The following GRIN2B variants were observed in gnomAD, a reference collection of about 807,000 sequenced individuals.
GRIN2B encodes glutamate receptor ionotropic, NMDA 2B.
GRIN2B carries 5 observed loss-of-function variants against 114.5 expected under a neutral mutation model. The ratio of observed to expected loss-of-function variants is 0.04; its 90% CI spans 0.02 to 0.09. GRIN2B has a LOEUF of 0.09. Ranked by LOEUF, GRIN2B falls within the 10% of genes least tolerant of loss-of-function variation. GRIN2B has a pLI of 1.00. For missense variants in GRIN2B, 1,108 were observed against 1,943.5 expected (o/e 0.57, Z 8.08); for synonymous variants, 787 against 745.1 (o/e 1.06, Z -0.92).
At chr12:13,626,818 C>CCCCCCCCT (rs1649734494) in intron 5 of GRIN2B, among the ~76,000 whole-genome samples, 2 of 62,460 alleles carry the variant, frequency 3.2e-5, no homozygotes, top group African/African-American at 1.3e-4. Context: ...CCCCTCCCCC[C>CCCCCCCCT]CACCCTCCCC....
chr12:13,625,383 C>T (rs907787142), intron 5 of GRIN2B, among the ~76,000 whole-genome samples: 6 of 152,166 alleles, frequency 3.9e-5, no homozygotes, highest in Non-Finnish European at 5.9e-5. Flanking sequence ...TGGCAAGTGG[C>T]GACCGAAGTT....
intron 3 of GRIN2B, among the ~76,000 whole-genome samples, chr12:13,852,430 G>C (rs1865583488): frequency 6.6e-6 from 1 of 152,092 alleles, no homozygotes; most frequent in East Asian, 1.9e-4. Flanking sequence ...CCATTGCTTT[G>C]CTCAACTGTT....
At chr12:13,842,746 AG>A (rs927529041) in intron 3 of GRIN2B, among the ~76,000 whole-genome samples, 1 of 152,174 alleles carries the variant, frequency 6.6e-6, no homozygotes, top group African/African-American at 2.4e-5. Flanking sequence ...TTATGGAAAT[AG>A]GGTGAAAATG....
At chr12:13,583,705 A>C (rs761250385) in intron 10 of GRIN2B, among the ~76,000 whole-genome samples, 3 of 152,176 alleles carry the variant, frequency 2.0e-5, no homozygotes, top group African/African-American at 7.2e-5. Context: ...AAGTTTATCC[A>C]GGCAAAGAGG....
rs995893017 is a variant in GRIN2B, at chr12:13,542,314, G to A, written c.*20469C>T. On this transcript the variant is annotated 3_prime_UTR_variant, in exon 14 of 14. Transcript: ENST00000609686. ...CAAATAATTATGACCCCCCCACAAC[G>A]AGACTAGCTTAGTTGGGAACCTTAG... The A allele has an allele frequency of 2.6e-5, 4 of 151,954 alleles. No individual in the cohort carries two copies. The highest frequency in any genetic ancestry group is 9.7e-5 in the African/African-American group (4 of 41,334). The allele number at this position is 151,954 out of a possible 1,614,324, so 9.4% of individuals were successfully genotyped here. A position where few individuals can be genotyped will look rare whatever the true frequency, so the allele number is the denominator to read the frequency against.
At chr12:13,602,351 A>G (rs906593296) in intron 10 of GRIN2B, among the ~76,000 whole-genome samples, 1 of 152,204 alleles carries the variant, frequency 6.6e-6, no homozygotes, top group Non-Finnish European at 1.5e-5. Context: ...CTAGTTGGTC[A>G]TGACTGCTAC....
chr12:13,711,999 C>A (rs571466227), intron 4 of GRIN2B, among the ~76,000 whole-genome samples: 9 of 152,192 alleles, frequency 5.9e-5, no homozygotes, highest in Admixed American at 2.6e-4. Context: ...CAGTGATAGA[C>A]TGGATTAAGA....
At position 13,572,025 on chromosome 12, in the gene GRIN2B, G is replaced by A. The variant is rs991703780; in HGVS notation, c.2011-61C>T. 5 of 1,341,208 alleles carry A rather than the reference G, an allele frequency of 3.7e-6. No homozygotes were observed. In the Admixed American group the frequency reaches 9.6e-5, roughly 26 times the overall value. 83.1% of individuals were successfully genotyped at this position (1,341,208 alleles called of 1,614,324 possible). On this transcript the variant is annotated intron_variant, in intron 10 of 13. Transcript: ENST00000609686. ...GATGGAGGGAGAGAGAGAGAGAAAAGTCATTTTAGAAAATGTGAAGAGACA... is the reference window on the plus strand; with the variant it reads ...GATGGAGGGAGAGAGAGAGAGAAAAATCATTTTAGAAAATGTGAAGAGACA...
intron 3 of GRIN2B, among the ~76,000 whole-genome samples, chr12:13,810,140 C>A (rs999504767): frequency 1.3e-5 from 2 of 152,108 alleles, no homozygotes; most frequent in Admixed American, 6.6e-5. Flanking sequence ...CCCACCACCC[C>A]CCTCCCCACC....
intron 1 of GRIN2B, among the ~76,000 whole-genome samples, chr12:13,980,622 G>A (rs1056372878): frequency 6.6e-6 from 1 of 151,726 alleles, no homozygotes; most frequent in African/African-American, 2.4e-5. Flanking sequence ...GAGGGAGGGA[G>A]CGAGCGAAGG....
At chr12:13,717,582 C>G (rs1016977990) in intron 4 of GRIN2B, among the ~76,000 whole-genome samples, 1 of 151,918 alleles carries the variant, frequency 6.6e-6, no homozygotes, top group Non-Finnish European at 1.5e-5. Flanking sequence ...AGTAGGCATT[C>G]AGTAAATATT....
intron 2 of GRIN2B, among the ~76,000 whole-genome samples, chr12:13,910,768 A>C (rs755333237): frequency 2.6e-5 from 4 of 152,212 alleles, no homozygotes; most frequent in Non-Finnish European, 5.9e-5. Flanking sequence ...ATCCTTTAGC[A>C]TGACTGAAAA....
intron 4 of GRIN2B, among the ~76,000 whole-genome samples, chr12:13,739,385 A>G (rs1249588621): frequency 1.6e-5 from 2 of 126,482 alleles, no homozygotes; most frequent in South Asian, 4.3e-4. Context: ...AAAAAAAAAA[A>G]AAAAAAAAAA....
At chr12:13,939,037 C>G (rs888234519) in intron 2 of GRIN2B, among the ~76,000 whole-genome samples, 4 of 152,116 alleles carry the variant, frequency 2.6e-5, no homozygotes, top group Non-Finnish European at 4.4e-5. Context: ...GAGCTCACCT[C>G]GAAAGACTTT....
At chr12:13,641,038 T>C (rs1306008770) in intron 5 of GRIN2B, among the ~76,000 whole-genome samples, 1 of 151,956 alleles carries the variant, frequency 6.6e-6, no homozygotes, top group African/African-American at 2.4e-5. Context: ...GAACTCTGAA[T>C]ATAAGCTAAA....
chr12:13,949,508 G>A (rs961393905), intron 2 of GRIN2B, among the ~76,000 whole-genome samples: 1 of 152,120 alleles, frequency 6.6e-6, no homozygotes, highest in African/African-American at 2.4e-5. Flanking sequence ...GGAAGCTGCC[G>A]TGGCATTCGG....
At chr12:13,743,881 C>T (rs1863327373) in intron 4 of GRIN2B, among the ~76,000 whole-genome samples, 1 of 152,072 alleles carries the variant, frequency 6.6e-6, no homozygotes, top group Admixed American at 6.5e-5. Context: ...TATTTTGACA[C>T]CTACCTCCAT....
chr12:13,750,047 C>T (rs1479780870), intron 4 of GRIN2B, among the ~76,000 whole-genome samples: 4 of 152,236 alleles, frequency 2.6e-5, no homozygotes, highest in Admixed American at 2.6e-4. Flanking sequence ...GGGCAGTTTG[C>T]AGAGGAAATG....
intron 10 of GRIN2B, among the ~76,000 whole-genome samples, chr12:13,589,367 A>G (rs78019603): frequency 0.032 from 4,944 of 152,288 alleles, 106 homozygotes; most frequent in South Asian, 0.067. Context: ...TGAGGGTGGC[A>G]GTTTCTAGAG....
Sources: allele counts gnomAD v4.1 joint callset (sites outside exome capture counted in the v4.1 genomes callset), GRCh38; gene constraint gnomAD v4.1.1; transcripts MANE v1.5; gene names NCBI Gene and HGNC (gene_info 2026-07-23, HGNC 2026-07-21).